TENM4: variants seen among roughly 807,000 people sequenced by gnomAD.
TENM4 encodes the protein teneurin transmembrane protein 4, also known as teneurin-4.
Under a neutral mutation model 243.3 loss-of-function variants are expected in TENM4, and 82 were observed. The ratio of observed to expected loss-of-function variants is 0.34; its 90% CI spans 0.28 to 0.40. TENM4 has a LOEUF of 0.40. Ranked by LOEUF, TENM4 falls within the 10% of genes least tolerant of loss-of-function variation. TENM4 has a pLI of 1.00. For synonymous variants in TENM4, 1,412 were observed against 1,456.3 expected (o/e 0.97, Z 0.69); for missense variants, 3,138 against 3,673.3 (o/e 0.85, Z 3.77).
chr11:79,271,763 G>A (rs1855973661), intron 2 of TENM4, among the ~76,000 whole-genome samples: 1 of 152,260 alleles, frequency 6.6e-6, no homozygotes, highest in Non-Finnish European at 1.5e-5. Flanking sequence ...TGGCAGTAGA[G>A]GAAGTGGTGG....
chr11:79,023,812 C>A (rs945501060), intron 6 of TENM4, among the ~76,000 whole-genome samples: 5 of 152,138 alleles, frequency 3.3e-5, no homozygotes, highest in Non-Finnish European at 7.3e-5. Context: ...TACTGGGGAA[C>A]AAACATGGCT....
intron 21 of TENM4, among the ~76,000 whole-genome samples, chr11:78,730,741 CG>C (rs1378116253): frequency 6.6e-6 from 1 of 152,202 alleles, no homozygotes; most frequent in Non-Finnish European, 1.5e-5. Flanking sequence ...TTCTACCCTA[CG>C]TTTACAGTGG....
chr11:79,117,020 T>TA (rs1861636371), intron 4 of TENM4, among the ~76,000 whole-genome samples: 1 of 152,244 alleles, frequency 6.6e-6, no homozygotes, highest in Admixed American at 6.5e-5. Context: ...CCACAGCTAC[T>TA]ATCACCATCA....
At chr11:78,897,681 T>A (rs910673087) in intron 7 of TENM4, among the ~76,000 whole-genome samples, 1 of 152,216 alleles carries the variant, frequency 6.6e-6, no homozygotes, top group Non-Finnish European at 1.5e-5. Context: ...TAATAACAGT[T>A]GGCTGTGTCT....
intron 12 of TENM4, among the ~76,000 whole-genome samples, chr11:78,844,801 A>G (rs1858352407): frequency 6.6e-6 from 1 of 152,184 alleles, no homozygotes; most frequent in Non-Finnish European, 1.5e-5. Flanking sequence ...TTGATCTTGG[A>G]TGTGCAGTGT....
intron 1 of TENM4, among the ~76,000 whole-genome samples, chr11:79,399,748 T>G (rs1330841158): frequency 6.6e-6 from 1 of 152,134 alleles, no homozygotes; most frequent in Admixed American, 6.5e-5. Context: ...CAAATTTGGC[T>G]CCTCTACTTA....
intron 19 of TENM4, among the ~76,000 whole-genome samples, chr11:78,745,261 C>T (rs1283254321): frequency 1.5e-5 from 2 of 132,882 alleles, no homozygotes; most frequent in Non-Finnish European, 3.1e-5. Flanking sequence ...AAGTCTGACT[C>T]TGTTGTCCAG....
chr11:78,917,024 A>G (rs368762161), intron 6 of TENM4, among the ~76,000 whole-genome samples: 3 of 152,348 alleles, frequency 2.0e-5, no homozygotes, highest in South Asian at 4.1e-4. Context: ...TATTAAATGC[A>G]AAAACCCCTC....
At chr11:78,763,704 C>G (rs1856481616) in intron 18 of TENM4, among the ~76,000 whole-genome samples, 2 of 152,228 alleles carry the variant, frequency 1.3e-5, no homozygotes, top group Admixed American at 6.5e-5. Context: ...GTATCTGCCC[C>G]TCTCTGGCCA....
intron 1 of TENM4, among the ~76,000 whole-genome samples, chr11:79,395,122 C>T (rs1858315837): frequency 6.6e-6 from 1 of 152,196 alleles, no homozygotes; most frequent in Non-Finnish European, 1.5e-5. Flanking sequence ...CCAATCAAGA[C>T]AGGGAGAAGG....
chr11:79,309,973 C>T (rs1050986772), intron 1 of TENM4, among the ~76,000 whole-genome samples: 1 of 152,154 alleles, frequency 6.6e-6, no homozygotes, highest in South Asian at 2.1e-4. Flanking sequence ...CCTGACCCTT[C>T]CAGGCAGGGC....
intron 3 of TENM4, among the ~76,000 whole-genome samples, chr11:79,201,484 A>G (rs499273): frequency 1.5e-5 from 2 of 131,142 alleles, no homozygotes; most frequent in African/African-American, 6.0e-5. Flanking sequence ...GGCGAAGGTC[A>G]AAAGAGAAAT....
intron 6 of TENM4, among the ~76,000 whole-genome samples, chr11:78,926,263 G>T (rs1203679909): frequency 6.7e-6 from 1 of 149,534 alleles, no homozygotes; most frequent in African/African-American, 2.5e-5. Context: ...GAGGGATGGG[G>T]CAAAGAACTG....
At chr11:78,914,499 G>C (rs1856269505) in intron 6 of TENM4, among the ~76,000 whole-genome samples, 1 of 152,140 alleles carries the variant, frequency 6.6e-6, no homozygotes, top group Non-Finnish European at 1.5e-5. Flanking sequence ...GCCTCTTAAG[G>C]TAGTGAGCTC....
intron 4 of TENM4, among the ~76,000 whole-genome samples, chr11:79,122,778 T>C (rs1477345984): frequency 1.3e-5 from 2 of 152,222 alleles, no homozygotes; most frequent in Non-Finnish European, 2.9e-5. Flanking sequence ...CTAAAGGAAC[T>C]GATTCCCACC....
chr11:78,951,764 G>C (rs1359056375), intron 6 of TENM4, among the ~76,000 whole-genome samples: 1 of 152,046 alleles, frequency 6.6e-6, no homozygotes, highest in Non-Finnish European at 1.5e-5. Context: ...CCTCCTTAAA[G>C]GCCTTATCTC....
chr11:79,330,858 C>A (rs867699951), intron 1 of TENM4, among the ~76,000 whole-genome samples: 2 of 152,208 alleles, frequency 1.3e-5, no homozygotes, highest in Admixed American at 1.3e-4. Context: ...CCACCGCAGA[C>A]AAGGCCAAGG....
intron 3 of TENM4, among the ~76,000 whole-genome samples, chr11:79,184,171 A>T (rs924854047): frequency 2.0e-5 from 3 of 152,164 alleles, no homozygotes; most frequent in Admixed American, 6.5e-5. Context: ...TCGGCCTTAT[A>T]AAGGGAGGAA....
intron 1 of TENM4, among the ~76,000 whole-genome samples, chr11:79,373,593 C>T (rs764371057): frequency 3.3e-5 from 5 of 152,024 alleles, no homozygotes; most frequent in African/African-American, 4.8e-5. Flanking sequence ...AGCAAATAAA[C>T]GCAGTGAAGG....
Sources: allele counts gnomAD v4.1 joint callset (sites outside exome capture counted in the v4.1 genomes callset), GRCh38; gene constraint gnomAD v4.1.1; transcripts MANE v1.5; gene names NCBI Gene and HGNC (gene_info 2026-07-23, HGNC 2026-07-21).